The following PRDM11 variants were observed in gnomAD, a reference collection of about 807,000 sequenced individuals.
PRDM11 encodes PR/SET domain 11, also known as PR domain-containing protein 11.
A neutral mutation model predicts 97.8 loss-of-function variants in PRDM11; 20 were observed. The observed-to-expected ratio is 0.20, with a 90% CI of 0.14 to 0.30. PRDM11 has a LOEUF of 0.30. Ranked by LOEUF, PRDM11 falls within the 10% of genes least tolerant of loss-of-function variation. The pLI, the probability that PRDM11 is intolerant of heterozygous loss-of-function variation, is 1.00. For synonymous variants in PRDM11, 599 were observed against 637.7 expected (o/e 0.94, Z 0.91); for missense variants, 1,139 against 1,555.2 (o/e 0.73, Z 4.50).
rs767802218 is a variant in PRDM11, at chr11:45,101,567, A to AAAAAGAAGAAG, written c.96+5668_96+5669insAAGAAGAAGAA. Among the ~76,000 whole-genome samples, 108 of 96,858 alleles carry AAAAAGAAGAAG rather than the reference A, an allele frequency of 1.1e-3. 7 individuals carry two copies. Among genetic ancestry groups the AAAAAGAAGAAG allele is most frequent in the African/African-American group, 4.9e-3 (101 of 20,544 alleles). 63.5% of individuals were successfully genotyped at this position (96,858 alleles called of 152,430 possible). ...CAACACTCTGTCTCAAAAAAAAAAA[A>AAAAAGAAGAAG]AAGAAGAAGAAGAAGAAGAAGAAGA... On this transcript the variant is annotated intron_variant, in intron 1 of 6. Transcript: ENST00000530656.
At chr11:45,225,661 T>C (rs1854257645) in intron 7 of PRDM11, among the ~76,000 whole-genome samples, 1 of 152,156 alleles carries the variant, frequency 6.6e-6, no homozygotes, top group African/African-American at 2.4e-5. Flanking sequence ...CTTTTCCTCC[T>C]CCATTAGATC....
At chr11:45,224,191 C>T (rs1324187174) in intron 6 of PRDM11, 26 bp from the exon 7 acceptor site, 1 of 1,540,824 alleles carries the variant, frequency 6.5e-7, no homozygotes, top group Non-Finnish European at 8.7e-7. Context: ...TTCCCCATTT[C>T]CTTACACCCT....
intron 5 of PRDM11, among the ~76,000 whole-genome samples, chr11:45,210,769 A>C (rs1853701591): frequency 6.6e-6 from 1 of 152,190 alleles, no homozygotes; most frequent in Admixed American, 6.5e-5. Context: ...AAGCTCTGAA[A>C]ACCAAGGTGG....
intron 4 of PRDM11, among the ~76,000 whole-genome samples, chr11:45,190,423 C>T (rs1437621101): frequency 6.6e-6 from 1 of 151,502 alleles, no homozygotes. Context: ...GCTGGGATTA[C>T]AGGCATGAGC....
At chr11:45,141,172 C>T (rs1304518330) in intron 1 of PRDM11, among the ~76,000 whole-genome samples, 1 of 152,198 alleles carries the variant, frequency 6.6e-6, no homozygotes, top group African/African-American at 2.4e-5. Context: ...TGGTGAATAA[C>T]TGCATGATCA....
At chr11:45,184,752 A>G (rs1286055480) in intron 4 of PRDM11, among the ~76,000 whole-genome samples, 1 of 152,148 alleles carries the variant, frequency 6.6e-6, no homozygotes, top group Non-Finnish European at 1.5e-5. Flanking sequence ...GGTGATGTCA[A>G]GTAGGCAGTT....
chr11:45,119,024 G>T (rs1321977743), intron 1 of PRDM11, among the ~76,000 whole-genome samples: 1 of 152,196 alleles, frequency 6.6e-6, no homozygotes, highest in African/African-American at 2.4e-5. Context: ...TTTGGTGGTT[G>T]CTGGGTCAGC....
chr11:45,110,639 G>A (rs537699594), intron 1 of PRDM11, among the ~76,000 whole-genome samples: 1 of 152,218 alleles, frequency 6.6e-6, no homozygotes, highest in African/African-American at 2.4e-5. Context: ...ACCAAACAAG[G>A]CCCCTTCAGG....
intron 1 of PRDM11, among the ~76,000 whole-genome samples, chr11:45,128,080 C>G (rs1852623408): frequency 6.6e-6 from 1 of 152,222 alleles, no homozygotes; most frequent in South Asian, 2.1e-4. Context: ...TCGCTGCCAC[C>G]TTGCAGTTTG....
At chr11:45,179,496 G>C (rs1314521520) in intron 1 of PRDM11, among the ~76,000 whole-genome samples, 1 of 152,208 alleles carries the variant, frequency 6.6e-6, no homozygotes, top group Non-Finnish European at 1.5e-5. Context: ...GTAGATGGGG[G>C]TGCTTAAACA....
At chr11:45,209,770 C>A (rs376612509) in intron 5 of PRDM11, among the ~76,000 whole-genome samples, 11 of 152,218 alleles carry the variant, frequency 7.2e-5, no homozygotes, top group Non-Finnish European at 1.3e-4. Context: ...GAGCCAGGGG[C>A]CCCACGTTTT....
intron 1 of PRDM11, among the ~76,000 whole-genome samples, chr11:45,160,489 C>T (rs998120146): frequency 6.6e-6 from 1 of 152,126 alleles, no homozygotes; most frequent in African/African-American, 2.4e-5. Flanking sequence ...TATAGGAATA[C>T]GTACCACTGC....
chr11:45,112,038 GCA>G (rs1288817297), intron 1 of PRDM11, among the ~76,000 whole-genome samples: 1 of 152,052 alleles, frequency 6.6e-6, no homozygotes, highest in Admixed American at 6.5e-5. Flanking sequence ...AGATTTTAGT[GCA>G]CCGGTCACCC....
intron 1 of PRDM11, among the ~76,000 whole-genome samples, chr11:45,128,845 T>C (rs1852649877): frequency 6.6e-6 from 1 of 152,100 alleles, no homozygotes; most frequent in Non-Finnish European, 1.5e-5. Context: ...TCTGACATTT[T>C]ATTATTATAT....
intron 1 of PRDM11, among the ~76,000 whole-genome samples, chr11:45,174,239 A>G (rs115090401): frequency 0.016 from 2,452 of 152,330 alleles, 64 homozygotes; most frequent in African/African-American, 0.056. Flanking sequence ...ATTTCTGCAT[A>G]GTATTCTATC....
intron 5 of PRDM11, among the ~76,000 whole-genome samples, chr11:45,211,609 G>T (rs1208377673): frequency 6.6e-6 from 1 of 152,170 alleles, no homozygotes; most frequent in East Asian, 1.9e-4. Context: ...GGTTGCAGAG[G>T]TGGCTCTCCT....
At chr11:45,107,143 A>G (rs1852075826) in intron 1 of PRDM11, among the ~76,000 whole-genome samples, 1 of 152,194 alleles carries the variant, frequency 6.6e-6, no homozygotes. Flanking sequence ...TCCATAGAGC[A>G]AGATAAGTGC....
intron 3 of PRDM11, 58 bp from the exon 4 acceptor site, chr11:45,182,803 T>C: frequency 2.0e-6 from 3 of 1,509,988 alleles, no homozygotes; most frequent in Non-Finnish European, 2.7e-6. Context: ...ACCTCCCCCA[T>C]GGGGGTCTTA....
chr11:45,209,037 C>T (rs1395024426), intron 5 of PRDM11: 5 of 456,664 alleles, frequency 1.1e-5, no homozygotes, highest in South Asian at 7.7e-5. Context: ...AGGCATAGCC[C>T]GGAAAATCAC....
Sources: allele counts gnomAD v4.1 joint callset (sites outside exome capture counted in the v4.1 genomes callset), GRCh38; gene constraint gnomAD v4.1.1; transcripts MANE v1.5; gene names NCBI Gene and HGNC (gene_info 2026-07-23, HGNC 2026-07-21).